Variants in SOX6 observed in about 807,000 individuals in gnomAD.
SOX6 encodes SRY-box transcription factor 6.
A neutral mutation model predicts 97.8 loss-of-function variants in SOX6; 11 were observed. The observed-to-expected ratio is 0.11, with a 90% confidence interval of 0.07 to 0.19. SOX6 has a LOEUF of 0.19. Ranked by LOEUF, SOX6 falls within the 10% of genes least tolerant of loss-of-function variation. SOX6 has a pLI of 1.00. For synonymous variants in SOX6, 360 were observed against 371.4 expected, an observed-to-expected ratio of 0.97 and a Z score of 0.35; for missense variants, 810 against 1,039.5, an observed-to-expected ratio of 0.78 and a Z score of 3.04.
intron 9 of SOX6, among the ~76,000 whole-genome samples, chr11:16,069,933 G>T (rs1848183471): frequency 6.6e-6 from 1 of 152,076 alleles, no homozygotes; most frequent in Non-Finnish European, 1.5e-5. Context: ...GAGGCAGGTG[G>T]ATCATGAGGT....
chr11:16,007,856 A>AT (rs1854604285), intron 13 of SOX6, among the ~76,000 whole-genome samples: 1 of 152,104 alleles, frequency 6.6e-6, no homozygotes, highest in Non-Finnish European at 1.5e-5. Context: ...GCAAGGGCTG[A>AT]TTTTGCAGTC....
intron 3 of SOX6, among the ~76,000 whole-genome samples, chr11:16,287,292 T>A (rs879589168): frequency 0.14 from 12,598 of 90,626 alleles, 608 homozygotes; most frequent in Non-Finnish European, 0.18. Flanking sequence ...TCTCTCTCTC[T>A]CTCTCTCACA....
intron 1 of SOX6, among the ~76,000 whole-genome samples, chr11:16,390,269 C>CT (rs1443918127): frequency 2.0e-5 from 3 of 150,932 alleles, no homozygotes; most frequent in African/African-American, 7.4e-5. Flanking sequence ...AAAAATGCTG[C>CT]TTTTTTTGCA....
intron 3 of SOX6, among the ~76,000 whole-genome samples, chr11:16,277,226 G>C (rs1338012883): frequency 6.6e-6 from 1 of 152,186 alleles, no homozygotes; most frequent in African/African-American, 2.4e-5. Flanking sequence ...ATTAGGTTTA[G>C]ATGAGATCAT....
intron 1 of SOX6, among the ~76,000 whole-genome samples, chr11:16,449,126 A>G (rs933681589): frequency 1.3e-5 from 2 of 152,112 alleles, no homozygotes; most frequent in Non-Finnish European, 1.5e-5. Flanking sequence ...TTAAAAACCA[A>G]GAGTCCAAAT....
rs777667984 is a variant in SOX6, at chr11:15,972,944, T to C, written c.2352A>G (p.Thr784=). Residue 784 remains threonine (T), a synonymous_variant, in exon 16 of 16, where the codon ACA becomes ACG. Coordinates refer to ENST00000683767, the MANE Select transcript of SOX6 (RefSeq NM_001367873.1). ...PVIQSTYGMK[T]DGGSLAGNEM... Reference sequence around the variant, plus strand: ...CATTTCCAGCTAGGCTTCCGCCATCTGTCTTCATACCATAAGTGCTCTGGA... The same window carrying C: ...CATTTCCAGCTAGGCTTCCGCCATCCGTCTTCATACCATAAGTGCTCTGGA... 10 of 1,614,130 alleles carry C rather than the reference T, an allele frequency of 6.2e-6. No individual in the cohort carries two copies. The highest frequency in any genetic ancestry group is 8.5e-6 in the Non-Finnish European group (10 of 1,180,042).
intron 3 of SOX6, among the ~76,000 whole-genome samples, chr11:16,287,089 T>C (rs1461334754): frequency 2.0e-5 from 3 of 152,086 alleles, no homozygotes; most frequent in African/African-American, 2.4e-5. Flanking sequence ...GTTGTTAACA[T>C]AGTTATGTAG....
chr11:16,655,661 C>G (rs1847710359), intron 3 of SOX6, among the ~76,000 whole-genome samples: 1 of 152,238 alleles, frequency 6.6e-6, no homozygotes, highest in Non-Finnish European at 1.5e-5. Context: ...TTTCTTCATT[C>G]TCTTGTTCTG....
At chr11:16,410,107 A>G (rs1259501989) in intron 1 of SOX6, among the ~76,000 whole-genome samples, 2 of 152,122 alleles carry the variant, frequency 1.3e-5, no homozygotes, top group Non-Finnish European at 2.9e-5. Context: ...TGGATATGTT[A>G]GTTTGATTCT....
intron 4 of SOX6, among the ~76,000 whole-genome samples, chr11:16,549,788 C>A (rs993818640): frequency 1.2e-4 from 18 of 152,114 alleles, no homozygotes; most frequent in African/African-American, 4.1e-4. Context: ...CTGTTACCTA[C>A]AACAACATGG....
intron 1 of SOX6, among the ~76,000 whole-genome samples, chr11:16,427,553 C>G (rs937801144): frequency 3.4e-5 from 5 of 149,252 alleles, no homozygotes; most frequent in Non-Finnish European, 7.4e-5. Context: ...TTGTTCAATT[C>G]CCACCTATGA....
chr11:16,391,501 C>A (rs56207523), intron 1 of SOX6, among the ~76,000 whole-genome samples: 1 of 151,980 alleles, frequency 6.6e-6, no homozygotes, highest in African/African-American at 2.4e-5. Flanking sequence ...CTCTTTGTGC[C>A]TGGCATATAG....
chr11:16,165,046 C>T (rs2134075353), intron 6 of SOX6, among the ~76,000 whole-genome samples: 1 of 152,200 alleles, frequency 6.6e-6, no homozygotes, highest in South Asian at 2.1e-4. Flanking sequence ...TAAAGCAGTT[C>T]TTTAAAAATC....
intron 9 of SOX6, among the ~76,000 whole-genome samples, chr11:16,067,335 C>T (rs923957256): frequency 6.6e-6 from 1 of 152,150 alleles, no homozygotes; most frequent in African/African-American, 2.4e-5. Context: ...TGGAGGGACC[C>T]AGTGAGAGGT....
At chr11:16,443,874 G>A (rs888482455) in intron 1 of SOX6, among the ~76,000 whole-genome samples, 9 of 151,884 alleles carry the variant, frequency 5.9e-5, no homozygotes, top group Non-Finnish European at 1.2e-4. Context: ...TTAGCTTGGC[G>A]CGGTAGTGGG....
chr11:16,362,013 T>C (rs1468651928), intron 1 of SOX6, among the ~76,000 whole-genome samples: 4 of 152,202 alleles, frequency 2.6e-5, no homozygotes, highest in Admixed American at 6.5e-5. Flanking sequence ...TTATCATCTC[T>C]ACAGAATCAG....
chr11:16,513,310 A>C (rs1452780936), intron 4 of SOX6, among the ~76,000 whole-genome samples: 1 of 151,014 alleles, frequency 6.6e-6, no homozygotes, highest in Non-Finnish European at 1.5e-5. Flanking sequence ...CACACACTCA[A>C]AAGAGAGGGA....
chr11:16,160,224 G>C (rs1375945162), intron 6 of SOX6, among the ~76,000 whole-genome samples: 1 of 152,124 alleles, frequency 6.6e-6, no homozygotes, highest in Non-Finnish European at 1.5e-5. Flanking sequence ...ATTGGCCTAA[G>C]AATACTTCAT....
Position 16,111,915 on chromosome 11 carries a change from A to T in SOX6, c.786T>A (p.Gly262=), listed in dbSNP as rs1198987100. The T allele has an allele frequency of 6.2e-7, 1 of 1,612,194 alleles. No individual in the cohort carries two copies. Among genetic ancestry groups the T allele is most frequent in the East Asian group, 2.2e-5 (1 of 44,844 alleles). ...NLLQQQIQVQ[G]HMPPLMIPIF... is the part of the protein sequence containing the mutation. ...TTGGGATCATGAGCGGAGGCATGTG[A>T]CCCTGAACCTGCTAAACAGAAGAGA... is the stretch of plus-strand genomic sequence containing the variant. The change falls in exon 7 of 16, where the codon GGT becomes GGA. Residue 262 remains glycine, a synonymous_variant. Transcript: ENST00000683767.
Sources: gnomAD v4.1 joint callset for allele counts (sites outside exome capture counted in the v4.1 genomes callset) on GRCh38, gnomAD v4.1.1 for gene constraint, MANE v1.5 for transcripts, NCBI Gene and HGNC (gene_info 2026-07-23, HGNC 2026-07-21) for gene names.